MFSD12: variants seen among roughly 807,000 people sequenced by gnomAD.
The protein encoded by MFSD12 is major facilitator superfamily domain containing 12.
MFSD12 carries 67 observed loss-of-function variants against 51.2 expected under a neutral mutation model. The ratio of observed to expected loss-of-function variants is 1.31; its 90% CI spans 1.08 to 1.60. MFSD12 has a LOEUF of 1.60. Among genes scored for constraint, MFSD12 ranks in the 40% most tolerant of loss-of-function variants. The pLI, the probability that MFSD12 is intolerant of heterozygous loss-of-function variation, is 0.00. For synonymous variants in MFSD12, 441 were observed against 316.7 expected (o/e 1.39, Z -4.17); for missense variants, 921 against 673.0 (o/e 1.37, Z -4.08).
At chr19:3,554,759 G>A (rs1007105241) in intron 1 of MFSD12, among the ~76,000 whole-genome samples, 4 of 152,236 alleles carry the variant, frequency 2.6e-5, no homozygotes, top group Admixed American at 1.3e-4. Context: ...TTGTGGGGGA[G>A]CTCCCCAGGA....
rs982295096 is a variant in MFSD12 at position 3,547,480 on chromosome 19, A to T, written c.905T>A (p.Leu302His). The T allele has an allele frequency of 2.6e-5, 42 of 1,612,988 alleles. No individual in the cohort carries two copies. Among genetic ancestry groups the T allele is most frequent in the Non-Finnish European group, 3.3e-5 (39 of 1,179,958 alleles). ...NLSQTYMAMY[L>H]TYSLHLPKKF... ...CTTGGGCAGGTGGAGCGAGTAGGTG[A>T]GGTACATGGCCATGTAGGTCTGGGA... Residue 302 changes from leucine to histidine, a missense_variant, in exon 5 of 10, where the codon CTC (leucine) becomes CAC (histidine). By Grantham distance (99) the Leu-to-His change is moderately conservative (BLOSUM62 -3). Transcript: ENST00000355415.
intron 2 of MFSD12, among the ~76,000 whole-genome samples, chr19:3,549,953 C>T (rs901052910): frequency 8.6e-5 from 13 of 152,014 alleles, no homozygotes; most frequent in Non-Finnish European, 1.5e-4. Flanking sequence ...AGGGAGACTA[C>T]GGTGTGTGAG....
In MFSD12 at chr19:3,557,358, G is replaced by A. The variant is rs1465264178; in HGVS notation, c.46C>T (p.Pro16Ser). 6.6e-7 allele frequency: 1 copy of A among 1,516,036 alleles called. No homozygotes were observed. The highest frequency in any genetic ancestry group is 8.8e-7 in the Non-Finnish European group (1 of 1,133,310). 93.9% of individuals were successfully genotyped at this position (1,516,036 alleles called of 1,614,324 possible). A position where few individuals can be genotyped will look rare whatever the true frequency, so the allele number is the denominator to read the frequency against. ...CTCAGCCGCGCCACCAGGGACAGCG[G>A]CCGCGGGGACGGCGCCGCTCCGGCC... ...PAAGAAPSPR[P>S]LSLVARLSYA... The change falls in exon 1 of 10, where the codon CCG becomes TCG. Residue 16 changes from proline to serine, a missense_variant. Transcript: ENST00000355415.
At chr19:3,555,297 G>A (rs969190251) in intron 1 of MFSD12, among the ~76,000 whole-genome samples, 7 of 152,122 alleles carry the variant, frequency 4.6e-5, no homozygotes, top group Non-Finnish European at 8.8e-5. Flanking sequence ...TAGTAGAGAC[G>A]GGGTTTTGCC....
chr19:3,542,844 G>A (rs2030533199), downstream of MFSD12: 3 of 1,378,850 alleles, frequency 2.2e-6, no homozygotes, highest in African/African-American at 1.5e-5. Flanking sequence ...ACTTCTTCCT[G>A]GTGCACCTCC....
downstream of MFSD12, among the ~76,000 whole-genome samples, chr19:3,540,859 G>A (rs1335051469): frequency 3.6e-4 from 35 of 97,362 alleles, 1 homozygote; most frequent in South Asian, 0.01. Flanking sequence ...AGCCCAGAGC[G>A]AAACTCCATC....
rs921011208 is a variant in MFSD12 at position 3,546,377 on chromosome 19, C to G, written c.1072G>C (p.Val358Leu). 8 of 1,608,258 alleles carry G rather than the reference C, an allele frequency of 5.0e-6. No individual in the cohort carries two copies. In the African/African-American group the frequency reaches 1.1e-4, roughly 21 times the overall value. Reference sequence around the variant, plus strand: ...ACACCCAGTCCCTCCGCCAGCGCCACCCAGGCGGCAAAGGCCAGGATCACC... The same window carrying G: ...ACACCCAGTCCCTCCGCCAGCGCCAGCCAGGCGGCAAAGGCCAGGATCACC... ...LLVILAFAAW[V>L]ALAEGLGVAV... The change falls in exon 7 of 10, where the codon GTG (valine) becomes CTG (leucine). Residue 358 changes from valine to leucine, a missense_variant. By Grantham distance (32) the Val-to-Leu change is conservative. Transcript: ENST00000355415.
chr19:3,546,092 T>G lies in MFSD12; in HGVS notation c.1271A>C (p.Gln424Pro). Residue 424 changes from glutamine (Q) to proline (P), a missense_variant, in exon 8 of 10, where the codon CAG becomes CCG. Transcript: ENST00000355415. ...VANGLAVMAIQSLHPCPSELC... is the reference protein window; with the variant it reads ...VANGLAVMAIPSLHPCPSELC... ...CACTCACGGGCAAGGGTGCAGGCTC[T>G]GGATGGCCATGACTGCCAGCCCATT... 1.2e-6 allele frequency: 2 copies of G among 1,613,400 alleles called. No individual in the cohort carries two copies. Among genetic ancestry groups the G allele is most frequent in the Non-Finnish European group, 1.7e-6 (2 of 1,179,986 alleles).
rs2030794591 is a variant in MFSD12, at chr19:3,544,673, A to G, written c.*37T>C. 1 of 1,571,588 alleles carries G rather than the reference A, an allele frequency of 6.4e-7. No homozygotes were observed. Among genetic ancestry groups the G allele is most frequent in the East Asian group, 2.3e-5 (1 of 44,354 alleles). ...CTGGGGGGCATCCTCGTGCGTCCCCACAGTTCCCTTGCACAGGTGCAGGAG... is the reference window on the plus strand; with the variant it reads ...CTGGGGGGCATCCTCGTGCGTCCCCGCAGTTCCCTTGCACAGGTGCAGGAG... On this transcript the variant is annotated 3_prime_UTR_variant, in exon 10 of 10. Transcript: ENST00000355415.
In MFSD12 at chr19:3,544,575, C is replaced by G. The variant is rs532040929; in HGVS notation, c.*135G>C. The G allele has an allele frequency of 1.2e-5, 17 of 1,459,014 alleles. No homozygotes were observed. The highest frequency in any genetic ancestry group is 2.5e-4 in the Middle Eastern group (1 of 3,922). 90.4% of individuals were successfully genotyped at this position (1,459,014 alleles called of 1,614,324 possible). On this transcript the variant is annotated 3_prime_UTR_variant, in exon 10 of 10. Coordinates refer to ENST00000355415, the MANE Select transcript of MFSD12 (RefSeq NM_174983.5). The stretch of plus-strand genomic sequence containing the variant: ...TGCTGCCCTCACCCGACCCCACCCC[C>G]GGGAGCTGGGTGAGGATGGAGGGTG...
In MFSD12 at chr19:3,547,277, T is replaced by TCCC. The variant is rs2031143358; in HGVS notation, c.1015_1017dup (p.Gly339dup). On this transcript the variant is annotated inframe_insertion, in exon 6 of 10. Transcript: ENST00000355415. ...CCCGGTCCCCGCCCACTCACGTTCCTCCCAATGCACTTGTTGATGGGCTTC... is the reference window on the plus strand; with the variant it reads ...CCCGGTCCCCGCCCACTCACGTTCCTCCCCCCAATGCACTTGTTGATGGGCTTC... The TCCC allele has an allele frequency of 1.2e-6, 2 of 1,612,644 alleles. No homozygotes were observed. Among genetic ancestry groups the TCCC allele is most frequent in the Non-Finnish European group, 1.7e-6 (2 of 1,179,526 alleles).
Position 3,557,454 on chromosome 19 carries a change from T to G in MFSD12, c.-51A>C. 3.6e-6 allele frequency: 4 copies of G among 1,101,852 alleles called. No individual in the cohort carries two copies. Among genetic ancestry groups the G allele is most frequent in the Non-Finnish European group, 2.3e-6 (2 of 886,362 alleles). The allele number at this position is 1,101,852 out of a possible 1,614,324, so 68.3% of individuals were successfully genotyped here. ...CCCCCGGGCTCCGCGGAGGGTACCC[T>G]GGCCAGGCCTTCTTGGGTGCCGTGG... is the stretch of plus-strand genomic sequence containing the variant. On this transcript the variant is annotated 5_prime_UTR_variant, in exon 1 of 10. Coordinates refer to ENST00000355415, the MANE Select transcript of MFSD12 (RefSeq NM_174983.5).
rs557390622 is a variant in MFSD12, at chr19:3,545,210, C to G, written c.1290-271G>C. ...CAGCATGGCCCGCCTGCACCCGCCC[C>G]GGTCCCAGGCTGCAACTTCTCCCCC... On this transcript the variant is annotated intron_variant, in intron 8 of 9. Transcript: ENST00000355415. Among the ~76,000 whole-genome samples, 711 of 152,332 alleles carry G rather than the reference C, an allele frequency of 4.7e-3. 7 individuals carry two copies. The highest frequency in any genetic ancestry group is 0.016 in the African/African-American group (674 of 41,572).
chr19:3,543,608 C>T, downstream of MFSD12: 7 of 1,544,864 alleles, frequency 4.5e-6, no homozygotes, highest in Non-Finnish European at 6.1e-6. Flanking sequence ...CGTCCCTGCC[C>T]AGTACCAGGC....
chr19:3,547,648 C>G, intron 4 of MFSD12, 101 bp from the exon 5 acceptor site: 1 of 1,225,066 alleles, frequency 8.2e-7, no homozygotes. Context: ...CTGCAGCTGG[C>G]ATTTGATCCA....
chr19:3,542,923 C>G (rs1599812605), downstream of MFSD12: 2 of 1,451,268 alleles, frequency 1.4e-6, no homozygotes, highest in Non-Finnish European at 1.9e-6. Context: ...TGTAGGAATC[C>G]AGGAGTAGCC....
At chr19:3,543,859 C>A, downstream of MFSD12, 1 of 1,547,520 alleles carries the variant, frequency 6.5e-7, no homozygotes, top group East Asian at 2.4e-5. Flanking sequence ...GGGGTGGAGC[C>A]ACTGTGGAGG....
In MFSD12 at chr19:3,552,170, A is replaced by AT. The variant is rs1191138332; in HGVS notation, c.299-977dup. Among the ~76,000 whole-genome samples, 909 of 136,214 alleles carry AT rather than the reference A, an allele frequency of 6.7e-3. 5 individuals carry two copies. The highest frequency in any genetic ancestry group is 0.016 in the African/African-American group (596 of 37,046). The allele number at this position is 136,214 out of a possible 152,430, so 89.4% of individuals were successfully genotyped here. On this transcript the variant is annotated intron_variant, in intron 1 of 9. Transcript: ENST00000355415. ...ATGGAACTCGGGCATTTCAATATCT[A>AT]TTTTTTTTTTTTTTTTAGACAGAGT...
rs766275362 is a variant in MFSD12 at position 3,547,860 on chromosome 19, C to G, written c.825G>C (p.Pro275=). ...LLLWKHWLRE[P]AFYQVGILYM... Reference sequence around the variant, plus strand: ...CCCCAGCACGCACCTGGTAGAAAGCCGGCTCCCGGAGCCAGTGCTTCCAGA... The same window carrying G: ...CCCCAGCACGCACCTGGTAGAAAGCGGGCTCCCGGAGCCAGTGCTTCCAGA... The change falls in exon 4 of 10, where the codon CCG becomes CCC. Residue 275 remains proline (P), a synonymous_variant. Coordinates refer to ENST00000355415, the MANE Select transcript of MFSD12 (RefSeq NM_174983.5). 9 of 1,509,792 alleles carry G rather than the reference C, an allele frequency of 6.0e-6. No homozygotes were observed. In the East Asian group the frequency reaches 2.2e-4, roughly 37 times the overall value. 93.5% of individuals were successfully genotyped at this position (1,509,792 alleles called of 1,614,324 possible).
Sources: allele counts gnomAD v4.1 joint callset (sites outside exome capture counted in the v4.1 genomes callset), GRCh38; gene constraint gnomAD v4.1.1; transcripts MANE v1.5; gene names NCBI Gene and HGNC (gene_info 2026-07-23, HGNC 2026-07-21).